The following CNTNAP2 variants were observed in gnomAD, a reference collection of about 807,000 sequenced individuals.
The protein encoded by CNTNAP2 is contactin-associated protein-like 2.
A neutral mutation model predicts 155.2 loss-of-function variants in CNTNAP2; 98 were observed. The ratio of observed to expected loss-of-function variants is 0.63; its 90% CI spans 0.54 to 0.75. The LOEUF (loss-of-function observed/expected upper bound fraction) is 0.75, where lower values mean the gene tolerates loss of function less well. CNTNAP2 is among the 30% of genes least tolerant of loss of function. The probability of loss-of-function intolerance (pLI) is 0.00; values close to 1 mark genes in which losing one functional copy is unlikely to be tolerated. For missense variants in CNTNAP2, 1,727 were observed against 1,688.1 expected, an observed-to-expected ratio of 1.02 and a Z score of -0.40; for synonymous variants, 651 against 631.2, an observed-to-expected ratio of 1.03 and a Z score of -0.47.
intron 1 of CNTNAP2, among the ~76,000 whole-genome samples, chr7:146,528,799 T>C (rs1392402963): frequency 6.6e-6 from 1 of 151,280 alleles, no homozygotes; most frequent in Non-Finnish European, 1.5e-5. Context: ...AACTGGAGGG[T>C]GAAGATTAAA....
intron 8 of CNTNAP2, among the ~76,000 whole-genome samples, chr7:147,152,932 A>C (rs1440868517): frequency 2.0e-5 from 3 of 152,144 alleles, no homozygotes; most frequent in Non-Finnish European, 2.9e-5. Context: ...TTCATTCCTG[A>C]GCTTTTTCCA....
chr7:148,281,001 A>G (rs1796965357), intron 21 of CNTNAP2, among the ~76,000 whole-genome samples: 2 of 152,154 alleles, frequency 1.3e-5, no homozygotes, highest in Admixed American at 6.5e-5. Context: ...CCATTTATTC[A>G]TGGGATATTT....
intron 8 of CNTNAP2, among the ~76,000 whole-genome samples, chr7:147,165,795 T>A (rs1207138993): frequency 2.0e-5 from 3 of 152,196 alleles, no homozygotes; most frequent in African/African-American, 7.2e-5. Context: ...CATTTGGGTT[T>A]ATTTCTGAGT....
chr7:147,691,577 G>A (rs1310452765), intron 13 of CNTNAP2, among the ~76,000 whole-genome samples: 2 of 152,126 alleles, frequency 1.3e-5, no homozygotes, highest in African/African-American at 4.8e-5. Context: ...ATCACCAGCA[G>A]CATACCACAA....
At chr7:146,537,023 A>G (rs553425912) in intron 1 of CNTNAP2, among the ~76,000 whole-genome samples, 1 of 152,148 alleles carries the variant, frequency 6.6e-6, no homozygotes, top group Non-Finnish European at 1.5e-5. Context: ...TGAACGGTTA[A>G]AATTATTACC....
chr7:146,995,663 G>A (rs929606899), intron 3 of CNTNAP2, among the ~76,000 whole-genome samples: 3 of 151,922 alleles, frequency 2.0e-5, no homozygotes, highest in Non-Finnish European at 2.9e-5. Flanking sequence ...ATTTTAAATT[G>A]AGTTATTTGT....
At chr7:148,294,963 A>G (rs924934395) in intron 21 of CNTNAP2, among the ~76,000 whole-genome samples, 4 of 152,172 alleles carry the variant, frequency 2.6e-5, no homozygotes, top group Admixed American at 2.6e-4. Context: ...CTAGGTTTCA[A>G]AGATTATTAA....
At chr7:146,439,640 A>T (rs1217179512) in intron 1 of CNTNAP2, among the ~76,000 whole-genome samples, 1 of 151,544 alleles carries the variant, frequency 6.6e-6, no homozygotes, top group African/African-American at 2.4e-5. Flanking sequence ...TTTAATTTCT[A>T]CAACTTTCCA....
intron 15 of CNTNAP2, chr7:148,044,459 T>C (rs1306450527): frequency 2.0e-5 from 3 of 152,184 alleles, no homozygotes; most frequent in Non-Finnish European, 4.4e-5. Context: ...AATCCGTAAA[T>C]TGAAACCTCA....
chr7:147,062,630 T>C (rs929290381), intron 4 of CNTNAP2, among the ~76,000 whole-genome samples: 1 of 152,154 alleles, frequency 6.6e-6, no homozygotes. Context: ...AAGATTAAAT[T>C]AGATAATAAA....
chr7:147,390,217 C>T (rs1008288455), intron 9 of CNTNAP2, among the ~76,000 whole-genome samples: 2 of 152,130 alleles, frequency 1.3e-5, no homozygotes, highest in East Asian at 1.9e-4. Context: ...AATATTCCAC[C>T]AGTTACATAA....
intron 8 of CNTNAP2, among the ~76,000 whole-genome samples, chr7:147,293,658 C>T (rs1016749218): frequency 3.9e-5 from 6 of 152,028 alleles, no homozygotes; most frequent in African/African-American, 9.7e-5. Flanking sequence ...ATTTTAAATA[C>T]GTTCTTTTTC....
chr7:146,373,037 A>C (rs1795257785), intron 1 of CNTNAP2, among the ~76,000 whole-genome samples: 1 of 152,208 alleles, frequency 6.6e-6, no homozygotes, highest in Admixed American at 6.5e-5. Context: ...AGTAGAGAAA[A>C]TTAAAACATT....
intron 14 of CNTNAP2, among the ~76,000 whole-genome samples, chr7:147,960,439 G>T (rs1162643086): frequency 2.6e-5 from 4 of 152,162 alleles, no homozygotes; most frequent in African/African-American, 7.2e-5. Flanking sequence ...TGGTGTTATT[G>T]AAAGTTCAGG....
chr7:147,094,923 G>A (rs1800495040), intron 4 of CNTNAP2, among the ~76,000 whole-genome samples: 1 of 152,122 alleles, frequency 6.6e-6, no homozygotes, highest in Non-Finnish European at 1.5e-5. Flanking sequence ...TAGGTACCAA[G>A]AGATTTGGTA....
chr7:146,253,587 A>G (rs1244965127), intron 1 of CNTNAP2, among the ~76,000 whole-genome samples: 2 of 152,208 alleles, frequency 1.3e-5, no homozygotes, highest in East Asian at 1.9e-4. Context: ...ACTTGAATGG[A>G]AATCTCAATA....
intron 1 of CNTNAP2, among the ~76,000 whole-genome samples, chr7:146,725,067 G>A (rs1048070986): frequency 2.6e-5 from 4 of 152,028 alleles, no homozygotes; most frequent in East Asian, 1.9e-4. Context: ...GGCTACTGGC[G>A]GTTGCTGTTA....
At chr7:147,936,873 T>C (rs1045457382) in intron 14 of CNTNAP2, among the ~76,000 whole-genome samples, 4 of 152,310 alleles carry the variant, frequency 2.6e-5, no homozygotes, top group South Asian at 4.1e-4. Context: ...TGCAGGTTTC[T>C]GTGCTCCCTT....
At chr7:147,564,067 G>A (rs990414543) in intron 12 of CNTNAP2, among the ~76,000 whole-genome samples, 4 of 152,242 alleles carry the variant, frequency 2.6e-5, no homozygotes, top group Admixed American at 1.3e-4. Flanking sequence ...TACTTGGGTG[G>A]CTCATGTGGA....
Sources: allele counts gnomAD v4.1 joint callset (sites outside exome capture counted in the v4.1 genomes callset), GRCh38; gene constraint gnomAD v4.1.1; transcripts MANE v1.5; gene names NCBI Gene and HGNC (gene_info 2026-07-23, HGNC 2026-07-21).